TMEM65: variants seen among roughly 807,000 people sequenced by gnomAD.
The protein encoded by TMEM65 is transmembrane protein 65.
In TMEM65, 22 loss-of-function variants were observed where a neutral mutation model predicts 25.4. That is an observed-to-expected ratio of 0.86 (90% confidence interval 0.62 to 1.23). The LOEUF is 1.23. Among genes scored for constraint, TMEM65 ranks in the 50% most tolerant of loss-of-function variants. TMEM65 has a pLI of 0.00. For missense variants in TMEM65, 262 were observed against 308.2 expected (o/e 0.85, Z 1.12); for synonymous variants, 132 against 126.2 (o/e 1.05, Z -0.31).
chr8:124,337,096 A>G (rs1814518002), intron 1 of TMEM65, among the ~76,000 whole-genome samples: 1 of 151,856 alleles, frequency 6.6e-6, no homozygotes, highest in Non-Finnish European at 1.5e-5. Flanking sequence ...ACTAGCTCTA[A>G]CAAAATTTAT....
chr8:124,368,831 A>G (rs1214829370), intron 1 of TMEM65, among the ~76,000 whole-genome samples: 1 of 152,234 alleles, frequency 6.6e-6, no homozygotes, highest in Non-Finnish European at 1.5e-5. Flanking sequence ...ATGCTATAGC[A>G]TTCCTGAGCC....
chr8:124,322,111 C>T lies in TMEM65; in HGVS notation c.509G>A (p.Gly170Glu). The change falls in exon 5 of 7, where the codon GGA becomes GAA. Residue 170 changes from glycine to glutamate, a missense_variant. By Grantham distance (98) the Gly-to-Glu change is moderately conservative. Transcript: ENST00000297632. ...ALGNLVSDLA[G>E]LGLAGYVEAL... The stretch of plus-strand genomic sequence containing the variant: ...AATAAGTGAATGAACCTACCCAAGT[C>T]CAGCTAGATCTGACACAAGATTTCC... 1 of 1,606,522 alleles carries T rather than the reference C, an allele frequency of 6.2e-7. No homozygotes were observed. Among genetic ancestry groups the T allele is most frequent in the Non-Finnish European group, 8.5e-7 (1 of 1,175,792 alleles).
At position 124,371,947 on chromosome 8, in the gene TMEM65, C is replaced by T; in HGVS notation, c.211G>A (p.Gly71Ser). The change falls in exon 1 of 7, where the codon GGC (glycine) becomes AGC (serine). Residue 71 changes from glycine (G) to serine (S), a missense_variant. Transcript: ENST00000297632. ...AGGCTGTAGATGAAGTCGCGCGCGC[C>T]CTGCGCCGTGTTCAGCGCCTCCATG... ...EPMEALNTAQ[G>S]ARDFIYSLHS... 1 of 1,516,052 alleles carries T rather than the reference C, an allele frequency of 6.6e-7. No homozygotes were observed. Among genetic ancestry groups the T allele is most frequent in the Non-Finnish European group, 8.8e-7 (1 of 1,135,490 alleles). The allele number at this position is 1,516,052 out of a possible 1,614,324, so 93.9% of individuals were successfully genotyped here. A position where few individuals can be genotyped will look rare whatever the true frequency, so the allele number is the denominator to read the frequency against.
intron 1 of TMEM65, among the ~76,000 whole-genome samples, chr8:124,333,410 A>C (rs1028248939): frequency 6.6e-6 from 1 of 151,594 alleles, no homozygotes; most frequent in Non-Finnish European, 1.5e-5. Flanking sequence ...GTTCTGCTCC[A>C]ATGTTTTATT....
At chr8:124,371,443 C>T (rs986577099) in intron 1 of TMEM65, among the ~76,000 whole-genome samples, 1 of 152,238 alleles carries the variant, frequency 6.6e-6, no homozygotes, top group Non-Finnish European at 1.5e-5. Flanking sequence ...TTTCTCGGAG[C>T]AGGCACAGCA....
chr8:124,354,536 T>C (rs977531061), intron 1 of TMEM65, among the ~76,000 whole-genome samples: 1 of 152,164 alleles, frequency 6.6e-6, no homozygotes, highest in Non-Finnish European at 1.5e-5. Context: ...AGCTGAAGAA[T>C]GCTGCCTCGC....
intron 1 of TMEM65, among the ~76,000 whole-genome samples, chr8:124,370,389 T>G (rs1483913066): frequency 6.6e-6 from 1 of 152,208 alleles, no homozygotes; most frequent in East Asian, 1.9e-4. Flanking sequence ...AATGTTCTAG[T>G]ACATGACTGA....
chr8:124,337,291 A>C (rs1291142178), intron 1 of TMEM65, among the ~76,000 whole-genome samples: 1 of 152,042 alleles, frequency 6.6e-6, no homozygotes, highest in Non-Finnish European at 1.5e-5. Flanking sequence ...TAATGAGGAC[A>C]GAACAACATT....
chr8:124,329,689 A>G (rs1814408587), intron 2 of TMEM65, among the ~76,000 whole-genome samples: 1 of 151,988 alleles, frequency 6.6e-6, no homozygotes, highest in Admixed American at 6.6e-5. Flanking sequence ...AAAGTTAAAT[A>G]AACATGTACA....
chr8:124,367,678 C>T (rs1814956205), intron 1 of TMEM65, among the ~76,000 whole-genome samples: 1 of 152,126 alleles, frequency 6.6e-6, no homozygotes, highest in African/African-American at 2.4e-5. Context: ...ATTTTGTCAA[C>T]GTCCTCTTAT....
In TMEM65 at chr8:124,337,903, G is replaced by T. The variant is rs1586464088; in HGVS notation, c.305-7111C>A. 2.0e-5 allele frequency among the ~76,000 whole-genome samples: 3 copies of T among 152,090 alleles called. No homozygotes were observed. The East Asian group carries it at 5.8e-4, about 29-fold the overall frequency. ...TAGTTGCATATGTTAAAAGGATGAG[G>T]ATATTGAGTTTGTTTTTTATTAAAA... On this transcript the variant is annotated intron_variant, in intron 1 of 6. Coordinates refer to ENST00000297632, the MANE Select transcript of TMEM65 (RefSeq NM_194291.3).
In TMEM65 at chr8:124,311,086, A is replaced by C. The variant is rs1004129725; in HGVS notation, c.*2874T>G. ...AATTTATGTTCTAGAGAAAAAGAAT[A>C]AAGTAAATGAGACTATTACATAAAC... is the stretch of plus-strand genomic sequence containing the variant. On this transcript the variant is annotated 3_prime_UTR_variant, in exon 7 of 7. Coordinates refer to ENST00000297632, the MANE Select transcript of TMEM65 (RefSeq NM_194291.3). 6.6e-6 allele frequency: 1 copy of C among 152,214 alleles called. No individual in the cohort carries two copies. The highest frequency in any genetic ancestry group is 2.4e-5 in the African/African-American group (1 of 41,452). 9.4% of individuals were successfully genotyped at this position (152,214 alleles called of 1,614,324 possible). A position where few individuals can be genotyped will look rare whatever the true frequency, so the allele number is the denominator to read the frequency against.
At chr8:124,367,116 C>T (rs1814948573) in intron 1 of TMEM65, among the ~76,000 whole-genome samples, 1 of 152,148 alleles carries the variant, frequency 6.6e-6, no homozygotes, top group Non-Finnish European at 1.5e-5. Context: ...GTTTTTCTTG[C>T]CCTTTTTCTT....
chr8:124,322,989 C>T (rs530585420), intron 4 of TMEM65, among the ~76,000 whole-genome samples: 2 of 144,776 alleles, frequency 1.4e-5, no homozygotes, highest in East Asian at 1.9e-4. Context: ...AGTGAGACCC[C>T]GTCTCTAAAT....
chr8:124,327,464 A>G (rs774838464), intron 2 of TMEM65, 43 bp from the exon 3 acceptor site: 18 of 1,301,742 alleles, frequency 1.4e-5, no homozygotes, highest in Admixed American at 1.3e-4. Flanking sequence ...TAAGATTTCT[A>G]TAACTTAGAA....
chr8:124,353,018 T>C (rs1439797518), intron 1 of TMEM65, among the ~76,000 whole-genome samples: 1 of 151,884 alleles, frequency 6.6e-6, no homozygotes, highest in Non-Finnish European at 1.5e-5. Context: ...TCCCAGCTAC[T>C]AGGGAGGATG....
chr8:124,313,957 G>C lies in TMEM65; in HGVS notation c.*3C>G, dbSNP rs1010182122. 1 of 1,598,806 alleles carries C rather than the reference G, an allele frequency of 6.3e-7. No homozygotes were observed. The highest frequency in any genetic ancestry group is 1.3e-5 in the African/African-American group (1 of 74,610). On this transcript the variant is annotated 3_prime_UTR_variant, in exon 7 of 7. Coordinates refer to ENST00000297632, the MANE Select transcript of TMEM65 (RefSeq NM_194291.3). ...ACATCTTTTTATAGGTATTCTAAGAGGATTAACTTTTCGTTTCCAGTTTTT... is the reference window on the plus strand; with the variant it reads ...ACATCTTTTTATAGGTATTCTAAGACGATTAACTTTTCGTTTCCAGTTTTT...
At chr8:124,330,527 TTAA>T (rs1449398388) in intron 2 of TMEM65, among the ~76,000 whole-genome samples, 4 of 151,954 alleles carry the variant, frequency 2.6e-5, no homozygotes, top group Non-Finnish European at 5.9e-5. Context: ...CAACAATATT[TTAA>T]TAATATTAGA....
rs187283928 is a variant in TMEM65, at chr8:124,336,457, T to G, written c.305-5665A>C. ...TTCCTCAAAATAGAACATATGCTGA[T>G]CCACAAAACATGTTAATAAATTTGA... On this transcript the variant is annotated intron_variant, in intron 1 of 6. Transcript: ENST00000297632. Among the ~76,000 whole-genome samples the G allele has an allele frequency of 9.4e-3, 1,434 of 152,074 alleles. 31 individuals are homozygous for G. The highest frequency in any genetic ancestry group is 0.017 in the Middle Eastern group (5 of 294).
Sources: allele counts gnomAD v4.1 joint callset (sites outside exome capture counted in the v4.1 genomes callset), GRCh38; gene constraint gnomAD v4.1.1; transcripts MANE v1.5; gene names NCBI Gene and HGNC (gene_info 2026-07-23, HGNC 2026-07-21).